UNC13C: variants seen among roughly 807,000 people sequenced by gnomAD.
UNC13C encodes the protein protein unc-13 homolog C.
UNC13C carries 174 observed loss-of-function variants against 245.4 expected under a neutral mutation model. The ratio of observed to expected loss-of-function variants is 0.71; its 90% confidence interval spans 0.63 to 0.80. The LOEUF (loss-of-function observed/expected upper bound fraction) is 0.80, where lower values mean the gene tolerates loss of function less well. UNC13C is among the 30% of genes least tolerant of loss of function. The pLI is 0.00. For missense variants in UNC13C, 2,829 were observed against 2,602.9 expected (o/e 1.09, Z -1.89); for synonymous variants, 992 against 895.1 (o/e 1.11, Z -1.93).
the UNC13C span, among the ~76,000 whole-genome samples, chr15:53,926,354 C>T: frequency 6.6e-6 from 1 of 152,200 alleles, no homozygotes; most frequent in African/African-American, 2.4e-5. Context: ...TTTTTGAAAC[C>T]TCAGTTCTCT....
the UNC13C span, among the ~76,000 whole-genome samples, chr15:53,931,126 G>C: frequency 6.6e-6 from 1 of 152,032 alleles, no homozygotes; most frequent in Non-Finnish European, 1.5e-5. Flanking sequence ...CAGACAGAAA[G>C]TTGTTTTATT....
chr15:54,322,389 T>A (rs2038186408), intron 14 of UNC13C, among the ~76,000 whole-genome samples: 1 of 152,030 alleles, frequency 6.6e-6, no homozygotes, highest in African/African-American at 2.4e-5. Context: ...TCTCAACATA[T>A]GCAAATTTGG....
In UNC13C at chr15:53,993,125, C is replaced by T. The variant is rs532493873; in HGVS notation, c.-257+14198C>T. 5.9e-5 allele frequency among the ~76,000 whole-genome samples: 9 copies of T among 152,062 alleles called. 1 individual carries two copies. Among genetic ancestry groups the T allele is most frequent in the Non-Finnish European group, 1.3e-4 (9 of 67,984 alleles). On this transcript the variant is annotated intron_variant, in intron 1 of 32. Transcript: ENST00000260323. Reference sequence around the variant, plus strand: ...GAGTCACTTCCTCAGTGCTTCCTTGCTATCAATTTTCTTAGGTCAGATTCC... The same window carrying T: ...GAGTCACTTCCTCAGTGCTTCCTTGTTATCAATTTTCTTAGGTCAGATTCC...
chr15:53,972,132 G>A, the UNC13C span, among the ~76,000 whole-genome samples: 3 of 152,220 alleles, frequency 2.0e-5, no homozygotes, highest in Non-Finnish European at 4.4e-5. Flanking sequence ...TAACCAAAGA[G>A]TTTGCTGAAG....
intron 30 of UNC13C, among the ~76,000 whole-genome samples, chr15:54,609,011 A>T (rs1432378496): frequency 1.3e-5 from 2 of 152,160 alleles, no homozygotes; most frequent in Admixed American, 6.5e-5. Context: ...CTATTTCAAC[A>T]TTAGCTTCTA....
intron 25 of UNC13C, 59 bp from the exon 26 acceptor site, chr15:54,532,858 G>A (rs1260853021): frequency 6.9e-6 from 8 of 1,157,708 alleles, no homozygotes; most frequent in Middle Eastern, 2.9e-4. Context: ...GGGTGAAATT[G>A]GAACAGGCTC....
chr15:54,600,645 T>C (rs1899360549), intron 30 of UNC13C, among the ~76,000 whole-genome samples: 1 of 152,156 alleles, frequency 6.6e-6, no homozygotes, highest in Non-Finnish European at 1.5e-5. Flanking sequence ...CAATAACGTG[T>C]CTGAATTATG....
intron 30 of UNC13C, among the ~76,000 whole-genome samples, chr15:54,582,472 G>A (rs550669777): frequency 1.3e-5 from 2 of 152,342 alleles, no homozygotes; most frequent in East Asian, 1.9e-4. Context: ...CTTGAATCCT[G>A]TGCAGCCTTT....
intron 4 of UNC13C, among the ~76,000 whole-genome samples, chr15:54,180,267 A>G (rs1057084870): frequency 1.3e-5 from 2 of 151,900 alleles, no homozygotes; most frequent in African/African-American, 4.8e-5. Context: ...TTTGTTCTCT[A>G]TTCCTGGACT....
intron 13 of UNC13C, among the ~76,000 whole-genome samples, chr15:54,311,351 A>T (rs1839283675): frequency 6.6e-6 from 1 of 151,802 alleles, no homozygotes; most frequent in South Asian, 2.1e-4. Context: ...TTTAACTATA[A>T]CTAAATGTAT....
chr15:53,877,235 T>C, the UNC13C span, among the ~76,000 whole-genome samples: 4 of 152,216 alleles, frequency 2.6e-5, no homozygotes, highest in African/African-American at 4.8e-5. Context: ...CAAAAGCACA[T>C]CAGTGTTCCA....
intron 30 of UNC13C, among the ~76,000 whole-genome samples, chr15:54,609,636 C>T (rs1006439751): frequency 6.6e-6 from 1 of 152,158 alleles, no homozygotes; most frequent in Non-Finnish European, 1.5e-5. Flanking sequence ...ACTCAGCCAA[C>T]ACCATCTGTG....
intron 2 of UNC13C, among the ~76,000 whole-genome samples, chr15:54,083,208 C>T (rs970650974): frequency 3.3e-5 from 5 of 152,152 alleles, no homozygotes; most frequent in African/African-American, 1.2e-4. Flanking sequence ...CCTTCCCTAT[C>T]ATGGCCCTGT....
At chr15:54,175,262 C>T (rs904058119) in intron 4 of UNC13C, among the ~76,000 whole-genome samples, 2 of 152,028 alleles carry the variant, frequency 1.3e-5, no homozygotes, top group Admixed American at 1.3e-4. Flanking sequence ...TCTTAATACC[C>T]AGACCGATGT....
At chr15:53,984,014 A>G (rs915825974) in intron 1 of UNC13C, among the ~76,000 whole-genome samples, 1 of 152,050 alleles carries the variant, frequency 6.6e-6, no homozygotes, top group Admixed American at 6.6e-5. Context: ...TACGCCTGGA[A>G]TACTGCTTGA....
chr15:54,288,173 C>G (rs1340674031), intron 10 of UNC13C, among the ~76,000 whole-genome samples: 1 of 152,122 alleles, frequency 6.6e-6, no homozygotes, highest in African/African-American at 2.4e-5. Flanking sequence ...TCCTGCTGGA[C>G]AGGTATATTC....
chr15:54,560,790 C>T (rs1897270544), intron 29 of UNC13C, among the ~76,000 whole-genome samples: 1 of 151,904 alleles, frequency 6.6e-6, no homozygotes, highest in Non-Finnish European at 1.5e-5. Flanking sequence ...CACCAATGTG[C>T]AAATTATTCT....
intron 2 of UNC13C, among the ~76,000 whole-genome samples, chr15:54,031,366 G>C (rs1896350474): frequency 6.6e-6 from 1 of 152,164 alleles, no homozygotes; most frequent in Non-Finnish European, 1.5e-5. Flanking sequence ...TGGGACTACA[G>C]GCAGCCGCCA....
intron 19 of UNC13C, among the ~76,000 whole-genome samples, chr15:54,468,411 C>T (rs1026470740): frequency 2.0e-5 from 3 of 151,538 alleles, no homozygotes; most frequent in Non-Finnish European, 3.0e-5. Flanking sequence ...TGGGTTGTCT[C>T]TTCACTTTTT....
Sources: gnomAD v4.1 joint callset for allele counts (sites outside exome capture counted in the v4.1 genomes callset) on GRCh38, gnomAD v4.1.1 for gene constraint, MANE v1.5 for transcripts, NCBI Gene and HGNC (gene_info 2026-07-23, HGNC 2026-07-21) for gene names.